FXYD6: variants seen among roughly 807,000 people sequenced by gnomAD.
The protein encoded by FXYD6 is FXYD domain-containing ion transport regulator 6.
In FXYD6, 7 loss-of-function variants were observed where a neutral mutation model predicts 16.7. That is an observed-to-expected ratio of 0.42 (90% confidence interval 0.24 to 0.79). The LOEUF is 0.79. FXYD6 is among the 30% of genes least tolerant of loss of function. The pLI, the probability that FXYD6 is intolerant of heterozygous loss-of-function variation, is 0.28. For missense variants in FXYD6, 111 were observed against 116.2 expected, an observed-to-expected ratio of 0.95 and a Z score of 0.21; for synonymous variants, 49 against 43.0, an observed-to-expected ratio of 1.14 and a Z score of -0.54.
intron 1 of FXYD6, among the ~76,000 whole-genome samples, chr11:117,852,678 C>T (rs535366694): frequency 4.3e-4 from 65 of 152,284 alleles, no homozygotes; most frequent in Admixed American, 6.5e-4. Flanking sequence ...TCCTTTTCAT[C>T]GTTATGAAAA....
chr11:117,865,978 T>G (rs956064408), intron 1 of FXYD6, among the ~76,000 whole-genome samples: 8 of 152,120 alleles, frequency 5.3e-5, no homozygotes, highest in African/African-American at 1.4e-4. Context: ...ATGTCCTTAC[T>G]TGTTCCAGCT....
At chr11:117,864,749 G>A (rs752465925) in intron 1 of FXYD6, among the ~76,000 whole-genome samples, 2 of 152,068 alleles carry the variant, frequency 1.3e-5, no homozygotes, top group Non-Finnish European at 2.9e-5. Flanking sequence ...ACCACACCCA[G>A]CTCATTTTTG....
intron 1 of FXYD6, among the ~76,000 whole-genome samples, chr11:117,852,911 C>T (rs917749613): frequency 3.3e-5 from 5 of 152,066 alleles, no homozygotes; most frequent in Non-Finnish European, 5.9e-5. Flanking sequence ...GCTGCTTAAC[C>T]CACTCATTTA....
intron 1 of FXYD6, among the ~76,000 whole-genome samples, chr11:117,863,652 A>C (rs2056955262): frequency 6.6e-6 from 1 of 152,234 alleles, no homozygotes; most frequent in Non-Finnish European, 1.5e-5. Context: ...AAAGGCATCC[A>C]AATTGGAAAG....
At chr11:117,850,413 A>G (rs928497389) in intron 1 of FXYD6, among the ~76,000 whole-genome samples, 3 of 152,220 alleles carry the variant, frequency 2.0e-5, no homozygotes, top group African/African-American at 7.2e-5. Context: ...CTTAAATTCT[A>G]TGTTACTCTC....
chr11:117,876,946 C>CAA (rs1265515993), upstream of FXYD6: 1 of 152,274 alleles, frequency 6.6e-6, no homozygotes, highest in Non-Finnish European at 1.5e-5. Context: ...AAAGGGCAGT[C>CAA]AAGCTCCGAG....
intron 1 of FXYD6, among the ~76,000 whole-genome samples, chr11:117,857,189 G>C (rs939319174): frequency 2.6e-5 from 4 of 152,150 alleles, no homozygotes; most frequent in African/African-American, 9.7e-5. Flanking sequence ...ATCATGTCTA[G>C]AATGGGTCTT....
At chr11:117,851,877 T>A (rs1186408530) in intron 1 of FXYD6, among the ~76,000 whole-genome samples, 1 of 152,238 alleles carries the variant, frequency 6.6e-6, no homozygotes, top group Non-Finnish European at 1.5e-5. Context: ...CAACACACTT[T>A]TAACCAACAG....
intron 1 of FXYD6, among the ~76,000 whole-genome samples, chr11:117,875,679 A>C (rs1276838668): frequency 6.6e-6 from 1 of 152,146 alleles, no homozygotes; most frequent in East Asian, 1.9e-4. Context: ...ACAGAGACAA[A>C]GGAAGTAGTG....
chr11:117,858,631 T>TTTTCTTTCTTTCTTTCTTTC (rs758256700), intron 1 of FXYD6, among the ~76,000 whole-genome samples: 1 of 106,718 alleles, frequency 9.4e-6, no homozygotes, highest in Non-Finnish European at 2.1e-5. Flanking sequence ...TCATTTTCTT[T>TTTTCTTTCTTTCTTTCTTTC]TTTCTTTCTT....
intron 1 of FXYD6, among the ~76,000 whole-genome samples, chr11:117,846,286 T>C (rs142026343): frequency 9.2e-5 from 14 of 152,378 alleles, no homozygotes; most frequent in Middle Eastern, 3.4e-3. Context: ...ATTATTATTG[T>C]TGTTAATTTC....
At chr11:117,846,046 G>T (rs1423201738) in intron 1 of FXYD6, among the ~76,000 whole-genome samples, 8 of 152,158 alleles carry the variant, frequency 5.3e-5, no homozygotes, top group Admixed American at 5.2e-4. Context: ...TCATCTCCAT[G>T]ATAATATCCC....
chr11:117,861,311 T>C (rs1409036260), intron 1 of FXYD6, among the ~76,000 whole-genome samples: 1 of 152,086 alleles, frequency 6.6e-6, no homozygotes, highest in Non-Finnish European at 1.5e-5. Flanking sequence ...TCCTGCCGGA[T>C]GAAAGGAGGA....
At position 117,841,314 on chromosome 11, in the gene FXYD6, G is replaced by A. The variant is rs2134134298; in HGVS notation, c.173-130C>T. 6 of 1,171,396 alleles carry A rather than the reference G, an allele frequency of 5.1e-6. No individual in the cohort carries two copies. The East Asian group carries it at 1.5e-4, about 29-fold the overall frequency. The allele number at this position is 1,171,396 out of a possible 1,614,324, so 72.6% of individuals were successfully genotyped here. ...TGGGCAGTGCACAGTTTGCACAGCT[G>A]CACACAGTGGCCCTCGGATGGGGTA... On this transcript the variant is annotated intron_variant, in intron 4 of 7. Transcript: ENST00000526014.
At chr11:117,852,910 C>G (rs546520297) in intron 1 of FXYD6, among the ~76,000 whole-genome samples, 3 of 152,150 alleles carry the variant, frequency 2.0e-5, no homozygotes, top group Admixed American at 2.0e-4. Context: ...TGCTGCTTAA[C>G]CCACTCATTT....
chr11:117,857,555 C>T (rs1432360781), intron 1 of FXYD6, among the ~76,000 whole-genome samples: 3 of 151,880 alleles, frequency 2.0e-5, no homozygotes, highest in African/African-American at 7.3e-5. Flanking sequence ...ATTACAGGCA[C>T]GCGCCACCAT....
intron 1 of FXYD6, among the ~76,000 whole-genome samples, chr11:117,874,096 G>A (rs938884416): frequency 6.6e-6 from 1 of 152,202 alleles, no homozygotes; most frequent in African/African-American, 2.4e-5. Flanking sequence ...CTGAGCCTCA[G>A]TTTCCCCCAC....
intron 4 of FXYD6, 88 bp from the exon 5 acceptor site, chr11:117,841,272 A>G: frequency 6.3e-7 from 1 of 1,581,960 alleles, no homozygotes; most frequent in Non-Finnish European, 8.6e-7. Context: ...GACTATGTAA[A>G]TGGCACCCCC....
intron 1 of FXYD6, chr11:117,868,803 TA>T (rs2057066960): frequency 1.3e-5 from 2 of 152,214 alleles, no homozygotes; most frequent in Non-Finnish European, 2.9e-5. Context: ...CTAACTGTTC[TA>T]AAAAGATAGT....
Sources: gnomAD v4.1 joint callset for allele counts (sites outside exome capture counted in the v4.1 genomes callset) on GRCh38, gnomAD v4.1.1 for gene constraint, MANE v1.5 for transcripts, NCBI Gene and HGNC (gene_info 2026-07-23, HGNC 2026-07-21) for gene names.